Variants in DLGAP2 observed in about 807,000 individuals in gnomAD.
DLGAP2 encodes the protein disks large-associated protein 2.
In DLGAP2, 26 loss-of-function variants were observed where a neutral mutation model predicts 100.3. That is an observed-to-expected ratio of 0.26 (90% CI 0.19 to 0.36). The LOEUF (loss-of-function observed/expected upper bound fraction) is 0.36, where lower values mean the gene tolerates loss of function less well. Among genes scored for constraint, DLGAP2 ranks in the 10% least tolerant of loss-of-function variants. The probability of loss-of-function intolerance (pLI) is 1.00; values close to 1 mark genes in which losing one functional copy is unlikely to be tolerated. For missense variants in DLGAP2, 1,858 were observed against 1,453.2 expected (o/e 1.28, Z -4.53); for synonymous variants, 886 against 630.1 (o/e 1.41, Z -6.08).
At chr8:1,550,121 T>G (rs1326380853) in intron 5 of DLGAP2, among the ~76,000 whole-genome samples, 1 of 152,174 alleles carries the variant, frequency 6.6e-6, no homozygotes, top group East Asian at 1.9e-4. Context: ...CCATGTGGCC[T>G]CTATCTGTGT....
chr8:1,414,637 C>T (rs1796827879), intron 3 of DLGAP2, among the ~76,000 whole-genome samples: 1 of 152,218 alleles, frequency 6.6e-6, no homozygotes, highest in Non-Finnish European at 1.5e-5. Flanking sequence ...CTCTGAGGAT[C>T]CCGCCATCTA....
At chr8:1,157,692 G>A (rs752577081) in intron 2 of DLGAP2, among the ~76,000 whole-genome samples, 1 of 152,108 alleles carries the variant, frequency 6.6e-6, no homozygotes. Context: ...AATAATAATA[G>A]GCTCTTAATA....
At chr8:943,742 G>A (rs547565903) in intron 2 of DLGAP2, among the ~76,000 whole-genome samples, 1 of 152,218 alleles carries the variant, frequency 6.6e-6, no homozygotes, top group East Asian at 1.9e-4. Context: ...CAAGCACAGC[G>A]AGAACCGCTC....
intron 4 of DLGAP2, among the ~76,000 whole-genome samples, chr8:1,541,991 A>T (rs2130493194): frequency 6.6e-6 from 1 of 152,350 alleles, no homozygotes; most frequent in East Asian, 1.9e-4. Flanking sequence ...AGAGCCTCAG[A>T]TGTTTCTCTG....
intron 3 of DLGAP2, among the ~76,000 whole-genome samples, chr8:1,272,058 C>T (rs760884940): frequency 9.2e-5 from 14 of 152,128 alleles, no homozygotes; most frequent in South Asian, 2.1e-4. Flanking sequence ...TCAGGTGATC[C>T]GCCTGCCTCA....
intron 3 of DLGAP2, among the ~76,000 whole-genome samples, chr8:1,494,230 C>G (rs1276289636): frequency 6.6e-6 from 1 of 152,266 alleles, no homozygotes; most frequent in Non-Finnish European, 1.5e-5. Context: ...TTTCCCTTCT[C>G]ATGTGTGAAC....
intron 3 of DLGAP2, among the ~76,000 whole-genome samples, chr8:1,287,001 G>A (rs1007057432): frequency 4.6e-5 from 7 of 152,228 alleles, no homozygotes; most frequent in Non-Finnish European, 8.8e-5. Context: ...GAGAAGGTCA[G>A]TTTTATAACG....
chr8:1,581,935 TCAAACTA>T (rs1330920359), intron 6 of DLGAP2, among the ~76,000 whole-genome samples: 3 of 136,602 alleles, frequency 2.2e-5, no homozygotes, highest in Admixed American at 1.5e-4. Context: ...CACACCACAG[TCAAACTA>T]CCAGAAGTGA....
chr8:1,265,255 G>A (rs1179776478), intron 3 of DLGAP2, among the ~76,000 whole-genome samples: 1 of 152,158 alleles, frequency 6.6e-6, no homozygotes, highest in African/African-American at 2.4e-5. Context: ...TATCTATTAT[G>A]AGGAAAGAAA....
rs569395613 is a variant in DLGAP2, at chr8:1,217,422, G to C, written c.74-41429G>C. On this transcript the variant is annotated intron_variant, in intron 2 of 14. Coordinates refer to ENST00000637795, the MANE Select transcript of DLGAP2 (RefSeq NM_001346810.2). Reference sequence around the variant, plus strand: ...GAATAGTTCTGTGATGAACACAGGGGAGTGCATGTGTCTTTTGGTAGAATG... The same window carrying C: ...GAATAGTTCTGTGATGAACACAGGGCAGTGCATGTGTCTTTTGGTAGAATG... Among the ~76,000 whole-genome samples, 48 of 152,276 alleles carry C rather than the reference G, an allele frequency of 3.2e-4. No individual in the cohort carries two copies. In the South Asian group the frequency reaches 9.8e-3, roughly 31 times the overall value.
chr8:1,239,618 TCTCACATGGCGCCGTGTCTAGTTAC>T (rs1289452575), intron 2 of DLGAP2, among the ~76,000 whole-genome samples: 4 of 69,668 alleles, frequency 5.7e-5, no homozygotes, highest in Non-Finnish European at 8.1e-5. Flanking sequence ...TGTCTAGTTC[TCTCACATGGCGCCGTGTCTAGTTAC>T]CTCTCACATG....
intron 5 of DLGAP2, among the ~76,000 whole-genome samples, chr8:1,554,829 C>T (rs567565647): frequency 1.4e-3 from 198 of 146,104 alleles, no homozygotes; most frequent in Middle Eastern, 6.9e-3. Context: ...GGAAGGCTGG[C>T]GTTGTGGCTT....
chr8:849,413 G>C (rs547298957), intron 1 of DLGAP2, among the ~76,000 whole-genome samples: 4 of 152,228 alleles, frequency 2.6e-5, no homozygotes, highest in African/African-American at 4.8e-5. Context: ...AATACTGAGC[G>C]CAGGAGTTTT....
intron 1 of DLGAP2, among the ~76,000 whole-genome samples, chr8:843,617 C>A (rs531094516): frequency 6.6e-6 from 1 of 152,206 alleles, no homozygotes; most frequent in Non-Finnish European, 1.5e-5. Flanking sequence ...ATTTTGCACT[C>A]CCTGGGCTGT....
At chr8:1,671,866 C>T (rs752917223) in intron 10 of DLGAP2, among the ~76,000 whole-genome samples, 10 of 152,360 alleles carry the variant, frequency 6.6e-5, no homozygotes, top group Middle Eastern at 3.4e-3. Context: ...GGGCTCCAGC[C>T]TTGGCACTCA....
chr8:948,292 G>A (rs577496113), intron 2 of DLGAP2, among the ~76,000 whole-genome samples: 2 of 152,368 alleles, frequency 1.3e-5, no homozygotes, highest in Admixed American at 1.3e-4. Context: ...GATGCCACTG[G>A]CCTCGACCCT....
chr8:1,392,635 C>G (rs967234625), intron 3 of DLGAP2, among the ~76,000 whole-genome samples: 9 of 152,142 alleles, frequency 5.9e-5, no homozygotes, highest in Admixed American at 3.9e-4. Flanking sequence ...GTGTGGAAAC[C>G]CGTGGGGAGT....
chr8:1,124,058 A>G (rs1796110114), intron 2 of DLGAP2, among the ~76,000 whole-genome samples: 1 of 152,182 alleles, frequency 6.6e-6, no homozygotes, highest in Non-Finnish European at 1.5e-5. Context: ...TATGCAGACC[A>G]AACAGCACTG....
intron 3 of DLGAP2, among the ~76,000 whole-genome samples, chr8:1,336,340 G>A (rs933631562): frequency 6.6e-6 from 1 of 152,226 alleles, no homozygotes; most frequent in Non-Finnish European, 1.5e-5. Context: ...AAGGGAGAGG[G>A]GTGGTGAGAG....
Sources: gnomAD v4.1 joint callset for allele counts (sites outside exome capture counted in the v4.1 genomes callset) on GRCh38, gnomAD v4.1.1 for gene constraint, MANE v1.5 for transcripts, NCBI Gene and HGNC (gene_info 2026-07-23, HGNC 2026-07-21) for gene names.